TRAPPC9: variants seen among roughly 807,000 people sequenced by gnomAD.
TRAPPC9 encodes the protein IKK2 binding protein.
A neutral mutation model predicts 124.0 loss-of-function variants in TRAPPC9; 83 were observed. The ratio of observed to expected loss-of-function variants is 0.67; its 90% CI spans 0.56 to 0.80. TRAPPC9 has a LOEUF of 0.80. Ranked by LOEUF, TRAPPC9 falls within the 30% of genes least tolerant of loss-of-function variation. The pLI, the probability that TRAPPC9 is intolerant of heterozygous loss-of-function variation, is 0.00. For synonymous variants in TRAPPC9, 638 were observed against 617.5 expected, an observed-to-expected ratio of 1.03 and a Z score of -0.49; for missense variants, 1,302 against 1,508.3, an observed-to-expected ratio of 0.86 and a Z score of 2.27.
chr8:139,934,810 C>T (rs889029827), intron 19 of TRAPPC9, among the ~76,000 whole-genome samples: 1 of 152,166 alleles, frequency 6.6e-6, no homozygotes, highest in Non-Finnish European at 1.5e-5. Flanking sequence ...GGCAGGACAG[C>T]GCTGGCCAAA....
chr8:139,794,652 T>C (rs1822923138), intron 21 of TRAPPC9, among the ~76,000 whole-genome samples: 1 of 152,186 alleles, frequency 6.6e-6, no homozygotes, highest in Non-Finnish European at 1.5e-5. Flanking sequence ...TTGGCTCCCG[T>C]TCCTGGCACT....
At chr8:140,268,917 C>T (rs1037394133) in intron 15 of TRAPPC9, among the ~76,000 whole-genome samples, 1 of 152,164 alleles carries the variant, frequency 6.6e-6, no homozygotes, top group East Asian at 1.9e-4. Flanking sequence ...GTGCTCCCCA[C>T]CTTCTACATC....
intron 12 of TRAPPC9, among the ~76,000 whole-genome samples, chr8:140,289,938 G>A (rs1383574194): frequency 7.2e-5 from 11 of 152,160 alleles, no homozygotes; most frequent in South Asian, 2.1e-4. Flanking sequence ...ACTATGCCAC[G>A]TGCTAGAGGC....
intron 17 of TRAPPC9, chr8:140,094,979 G>A (rs1844836259): frequency 6.6e-6 from 1 of 152,214 alleles, no homozygotes; most frequent in Non-Finnish European, 1.5e-5. Flanking sequence ...ATCCATAAAT[G>A]TTTTATTGAA....
intron 21 of TRAPPC9, among the ~76,000 whole-genome samples, chr8:139,771,661 C>T (rs1013291412): frequency 7.2e-5 from 11 of 152,212 alleles, no homozygotes; most frequent in Non-Finnish European, 7.3e-5. Context: ...AGACCCCACA[C>T]GAGTGGTAGG....
At chr8:139,909,224 C>A (rs926172812) in intron 20 of TRAPPC9, among the ~76,000 whole-genome samples, 3 of 152,204 alleles carry the variant, frequency 2.0e-5, no homozygotes, top group African/African-American at 7.2e-5. Context: ...ACATTCCCAT[C>A]AGAGCTGCCC....
At chr8:140,409,671 G>A (rs2069624693) in intron 5 of TRAPPC9, among the ~76,000 whole-genome samples, 1 of 151,960 alleles carries the variant, frequency 6.6e-6, no homozygotes, top group Non-Finnish European at 1.5e-5. Flanking sequence ...TGATCTCCAG[G>A]ATACATTAGC....
chr8:139,962,800 T>C (rs886826044), intron 19 of TRAPPC9, among the ~76,000 whole-genome samples: 2 of 124,632 alleles, frequency 1.6e-5, no homozygotes, highest in South Asian at 2.7e-4. Flanking sequence ...AGGGTCCTTA[T>C]AATGGAGAGA....
chr8:139,844,657 G>A (rs796630714), intron 21 of TRAPPC9, among the ~76,000 whole-genome samples: 1 of 152,218 alleles, frequency 6.6e-6, no homozygotes, highest in African/African-American at 2.4e-5. Flanking sequence ...GCAGGAGAGC[G>A]GGGAGGAGCT....
chr8:139,894,515 T>C (rs540153123), intron 20 of TRAPPC9, among the ~76,000 whole-genome samples: 1 of 152,024 alleles, frequency 6.6e-6, no homozygotes, highest in East Asian at 1.9e-4. Context: ...CCCTGCGGAG[T>C]GTGAGGGGAC....
chr8:140,254,459 TGTGA>T (rs796567701), intron 15 of TRAPPC9, among the ~76,000 whole-genome samples: 8 of 152,326 alleles, frequency 5.3e-5, no homozygotes, highest in African/African-American at 1.9e-4. Flanking sequence ...CTTCCCCAGC[TGTGA>T]GTGTCTGTGA....
At chr8:139,787,913 C>A (rs1400729406) in intron 21 of TRAPPC9, among the ~76,000 whole-genome samples, 2 of 152,110 alleles carry the variant, frequency 1.3e-5, no homozygotes, top group Non-Finnish European at 2.9e-5. Context: ...GGGCTACTGT[C>A]AGGACCAAAT....
At chr8:140,289,163 G>GAT (rs578153609) in intron 12 of TRAPPC9, among the ~76,000 whole-genome samples, 20 of 145,696 alleles carry the variant, frequency 1.4e-4, no homozygotes, top group East Asian at 7.8e-4. Flanking sequence ...TATGGGTTTA[G>GAT]ATATATATAT....
chr8:140,160,296 G>A (rs1447795280), intron 17 of TRAPPC9, among the ~76,000 whole-genome samples: 1 of 152,150 alleles, frequency 6.6e-6, no homozygotes, highest in Non-Finnish European at 1.5e-5. Flanking sequence ...CCATTACTGG[G>A]TATATACCCA....
intron 18 of TRAPPC9, among the ~76,000 whole-genome samples, chr8:139,999,526 T>C (rs1838254680): frequency 6.6e-6 from 1 of 151,730 alleles, no homozygotes; most frequent in South Asian, 2.1e-4. Flanking sequence ...AGACATGAAA[T>C]CAATAAAGAC....
intron 17 of TRAPPC9, among the ~76,000 whole-genome samples, chr8:140,125,458 C>T (rs927582455): frequency 1.2e-4 from 18 of 152,062 alleles, no homozygotes; most frequent in Non-Finnish European, 2.1e-4. Context: ...CTGGAAAGCG[C>T]GTCATCTGTC....
intron 16 of TRAPPC9, among the ~76,000 whole-genome samples, chr8:140,245,464 G>GGTGTGTGT (rs35366571): frequency 6.4e-4 from 96 of 150,212 alleles, no homozygotes; most frequent in African/African-American, 2.1e-3. Context: ...TTTGTTTTGT[G>GGTGTGTGT]GTGTGTGTGT....
chr8:140,451,715 T>A (rs1329269037), intron 1 of TRAPPC9, among the ~76,000 whole-genome samples: 1 of 152,164 alleles, frequency 6.6e-6, no homozygotes, highest in Non-Finnish European at 1.5e-5. Context: ...ACGTGTGTAA[T>A]TGCTCCCCCA....
intron 6 of TRAPPC9, among the ~76,000 whole-genome samples, chr8:140,399,658 C>T (rs1365424789): frequency 6.6e-6 from 1 of 152,190 alleles, no homozygotes; most frequent in Non-Finnish European, 1.5e-5. Flanking sequence ...AAATAAGCAG[C>T]TGCTTTTGAT....
Sources: allele counts gnomAD v4.1 joint callset (sites outside exome capture counted in the v4.1 genomes callset), GRCh38; gene constraint gnomAD v4.1.1; transcripts MANE v1.5; gene names NCBI Gene and HGNC (gene_info 2026-07-23, HGNC 2026-07-21).